The following PFKFB3 variants were observed in gnomAD, a reference collection of about 807,000 sequenced individuals.
PFKFB3 encodes 6-phosphofructo-2-kinase/fructose-2,6-bisphosphatase 3.
Under a neutral mutation model 68.0 loss-of-function variants are expected in PFKFB3, and 33 were observed. That is an observed-to-expected ratio of 0.49 (90% CI 0.37 to 0.65). The LOEUF is 0.65. PFKFB3 is among the 30% of genes least tolerant of loss of function. PFKFB3 has a pLI of 0.00. For missense variants in PFKFB3, 586 were observed against 712.2 expected, an observed-to-expected ratio of 0.82 and a Z score of 2.02; for synonymous variants, 315 against 288.2, an observed-to-expected ratio of 1.09 and a Z score of -0.94.
At chr10:6,295,869 G>A in the PFKFB3 span, among the ~76,000 whole-genome samples, 1 of 152,158 alleles carries the variant, frequency 6.6e-6, no homozygotes, top group African/African-American at 2.4e-5. Context: ...AATTCCCCAA[G>A]GCAAAACTCA....
chr10:6,147,803 A>G (rs569528947), intron 1 of PFKFB3, among the ~76,000 whole-genome samples: 2 of 150,528 alleles, frequency 1.3e-5, no homozygotes, highest in Admixed American at 1.3e-4. Flanking sequence ...GGTGGTCCAT[A>G]CAGGGGATCC....
chr10:6,196,928 C>T (rs1843193133), intron 1 of PFKFB3, among the ~76,000 whole-genome samples: 1 of 151,092 alleles, frequency 6.6e-6, no homozygotes, highest in African/African-American at 2.5e-5. Flanking sequence ...CAGGCCTGAG[C>T]CACTGTACCT....
chr10:6,276,028 G>T, the PFKFB3 span, among the ~76,000 whole-genome samples: 1 of 152,128 alleles, frequency 6.6e-6, no homozygotes, highest in Non-Finnish European at 1.5e-5. Flanking sequence ...ATGGCACCTT[G>T]TATTTGACAA....
chr10:6,181,083 T>C (rs979527895), intron 1 of PFKFB3, among the ~76,000 whole-genome samples: 86 of 152,290 alleles, frequency 5.6e-4, no homozygotes, highest in African/African-American at 1.9e-3. Context: ...GGTGCAGTCA[T>C]AGTACACTGT....
intron 14 of PFKFB3, among the ~76,000 whole-genome samples, chr10:6,241,530 A>G (rs1286988483): frequency 1.3e-5 from 2 of 152,120 alleles, no homozygotes. Flanking sequence ...ATCTGTGGCC[A>G]TGTGTTAAAA....
At chr10:6,155,973 G>T (rs117484990) in intron 1 of PFKFB3, among the ~76,000 whole-genome samples, 1 of 151,942 alleles carries the variant, frequency 6.6e-6, no homozygotes, top group Non-Finnish European at 1.5e-5. Flanking sequence ...TGCACATAGC[G>T]AACATCCTAC....
intron 1 of PFKFB3, among the ~76,000 whole-genome samples, chr10:6,162,551 T>G (rs1842000091): frequency 6.6e-6 from 1 of 152,264 alleles, no homozygotes; most frequent in South Asian, 2.1e-4. Flanking sequence ...AGCTCTTTCC[T>G]GCCCATCCTC....
At chr10:6,182,509 C>A (rs1041387395) in intron 1 of PFKFB3, among the ~76,000 whole-genome samples, 1 of 152,198 alleles carries the variant, frequency 6.6e-6, no homozygotes, top group African/African-American at 2.4e-5. Flanking sequence ...AGTCCCAGGC[C>A]GATCCCTTCG....
At position 6,229,751 on chromosome 10, in the gene PFKFB3, C is replaced by T. The variant is rs772889027; in HGVS notation, c.1516-3144C>T. On this transcript the variant is annotated intron_variant, in intron 14 of 14. Transcript: ENST00000379775. The surrounding 1 kb of genome is among the most constrained non-coding windows in gnomAD (Gnocchi z 4.3). ...CCTGATCCTTTAGACCAGCAGTCCC[C>T]GACCTTTTTGGTACCAGGGACCCGT... Among the ~76,000 whole-genome samples the T allele has an allele frequency of 3.3e-5, 5 of 152,196 alleles. No individual in the cohort carries two copies. Among genetic ancestry groups the T allele is most frequent in the African/African-American group, 4.8e-5 (2 of 41,436 alleles).
chr10:6,167,228 G>C (rs1842171033), intron 1 of PFKFB3, among the ~76,000 whole-genome samples: 1 of 152,242 alleles, frequency 6.6e-6, no homozygotes, highest in South Asian at 2.1e-4. Flanking sequence ...GGAGGAGTGA[G>C]TAACTTTTAC....
chr10:6,317,666 A>T, the PFKFB3 span, among the ~76,000 whole-genome samples: 1 of 152,200 alleles, frequency 6.6e-6, no homozygotes, highest in East Asian at 1.9e-4. Flanking sequence ...AAGGTCTAGG[A>T]TTCAGGAAAT....
chr10:6,211,751 G>C (rs1345724272), intron 1 of PFKFB3, among the ~76,000 whole-genome samples: 1 of 152,340 alleles, frequency 6.6e-6, no homozygotes, highest in Admixed American at 6.5e-5. Flanking sequence ...TGGACATCAA[G>C]AGCATGGCAG....
At chr10:6,211,716 C>A (rs915504333) in intron 1 of PFKFB3, among the ~76,000 whole-genome samples, 21 of 152,184 alleles carry the variant, frequency 1.4e-4, no homozygotes, top group African/African-American at 4.8e-4. Flanking sequence ...CATCTGTTTT[C>A]GAGGAACTGT....
At chr10:6,323,848 G>A in the PFKFB3 span, among the ~76,000 whole-genome samples, 4 of 152,314 alleles carry the variant, frequency 2.6e-5, no homozygotes, top group Admixed American at 2.6e-4. Context: ...AAATGGGATG[G>A]TGGTTCCTTA....
intron 1 of PFKFB3, among the ~76,000 whole-genome samples, chr10:6,171,616 C>T (rs1287196020): frequency 1.3e-5 from 2 of 152,146 alleles, no homozygotes; most frequent in Non-Finnish European, 2.9e-5. Flanking sequence ...TGGTCTCAAA[C>T]TCCTGGACTC....
chr10:6,224,418 T>C, intron 13 of PFKFB3: 1 of 630,822 alleles, frequency 1.6e-6, no homozygotes, highest in East Asian at 2.7e-5. Context: ...TCTTTCTTCC[T>C]GTGTCCTCTT....
At chr10:6,194,909 A>G (rs7067751) in intron 1 of PFKFB3, among the ~76,000 whole-genome samples, 8,820 of 144,944 alleles carry the variant, frequency 0.061, 878 homozygotes, top group African/African-American at 0.21. Flanking sequence ...GTCTTGCTCT[A>G]TCACCCAGGC....
At chr10:6,266,672 A>G in the PFKFB3 span, among the ~76,000 whole-genome samples, 1 of 152,240 alleles carries the variant, frequency 6.6e-6, no homozygotes, top group Non-Finnish European at 1.5e-5. Context: ...GAGATCTCCA[A>G]TTCTAATTCA....
At chr10:6,176,148 G>A (rs771704460) in intron 1 of PFKFB3, among the ~76,000 whole-genome samples, 4 of 152,216 alleles carry the variant, frequency 2.6e-5, no homozygotes, top group Non-Finnish European at 5.9e-5. Context: ...ACCAGCTATT[G>A]CAGGAAGGGA....
Sources: allele counts gnomAD v4.1 joint callset (sites outside exome capture counted in the v4.1 genomes callset), GRCh38; gene constraint gnomAD v4.1.1; non-coding constraint Gnocchi (gnomAD v3.1); transcripts MANE v1.5; gene names NCBI Gene and HGNC (gene_info 2026-07-23, HGNC 2026-07-21).